Variants in FKBP15 observed in about 807,000 individuals in gnomAD.
The protein encoded by FKBP15 is FK506-binding protein 15.
FKBP15 carries 106 observed loss-of-function variants against 158.1 expected under a neutral mutation model. The ratio of observed to expected loss-of-function variants is 0.67; its 90% CI spans 0.57 to 0.79. The LOEUF is 0.79. Ranked by LOEUF, FKBP15 falls within the 30% of genes least tolerant of loss-of-function variation. FKBP15 has a pLI of 0.00. For synonymous variants in FKBP15, 547 were observed against 548.6 expected, an observed-to-expected ratio of 1.00 and a Z score of 0.04; for missense variants, 1,287 against 1,479.1, an observed-to-expected ratio of 0.87 and a Z score of 2.13.
At chr9:113,187,208 C>T (rs1424762147) in intron 14 of FKBP15, 1 of 153,974 alleles carries the variant, frequency 6.5e-6, no homozygotes, top group East Asian at 1.9e-4. Context: ...CATTCCCACA[C>T]CTCCATTAAG....
chr9:113,188,389 C>G lies in FKBP15; in HGVS notation c.1276G>C (p.Ala426Pro), dbSNP rs1285580998. The change falls in exon 13 of 28, where the codon GCA (alanine) becomes CCA (proline). Residue 426 changes from alanine (A) to proline (P), a missense_variant and splice_region_variant. Physicochemically the swap from Ala to Pro is conservative, Grantham distance 27. Coordinates refer to ENST00000238256, the MANE Select transcript of FKBP15 (RefSeq NM_015258.2). The stretch of plus-strand genomic sequence containing the variant: ...ACAGAGCCTCAGAGAGGTTCCTTAC[C>G]CTGTGAGGTCATCTGTGGTAACGCT... ...HPALPQMTSQ[A>P]PQPSVTGLQA... 6.2e-7 allele frequency: 1 copy of G among 1,611,664 alleles called. No homozygotes were observed. The highest frequency in any genetic ancestry group is 1.3e-5 in the African/African-American group (1 of 74,880).
At chr9:113,181,287 T>A (rs1362550676) in intron 19 of FKBP15, among the ~76,000 whole-genome samples, 1 of 152,172 alleles carries the variant, frequency 6.6e-6, no homozygotes, top group Non-Finnish European at 1.5e-5. Flanking sequence ...AACATTTGGG[T>A]AGATTATTGA....
chr9:113,204,441 T>C (rs1830851383), intron 4 of FKBP15, among the ~76,000 whole-genome samples: 1 of 152,266 alleles, frequency 6.6e-6, no homozygotes, highest in Admixed American at 6.5e-5. Flanking sequence ...TTCCTTGTAG[T>C]GCAAATCTAC....
At chr9:113,189,290 G>A (rs1228619310) in intron 12 of FKBP15, among the ~76,000 whole-genome samples, 1 of 151,986 alleles carries the variant, frequency 6.6e-6, no homozygotes, top group African/African-American at 2.4e-5. Context: ...AGAGTGAAAG[G>A]AATTATAATA....
At chr9:113,172,357 T>C (rs933323846) in intron 23 of FKBP15, among the ~76,000 whole-genome samples, 18 of 152,204 alleles carry the variant, frequency 1.2e-4, no homozygotes, top group Non-Finnish European at 2.5e-4. Flanking sequence ...CCTTTAGGTA[T>C]ATAACCAGTA....
At chr9:113,188,322 G>A (rs1587960837) in intron 13 of FKBP15, 67 bp downstream of exon 13, 8 of 1,202,784 alleles carry the variant, frequency 6.7e-6, no homozygotes, top group Middle Eastern at 2.0e-4. Context: ...AACAGTTTAA[G>A]GAACAGTGAC....
chr9:113,171,651 A>T lies in FKBP15; in HGVS notation c.2588T>A (p.Ile863Asn), dbSNP rs754011108. Residue 863 changes from isoleucine to asparagine, a missense_variant, in exon 24 of 28, where the codon ATC (isoleucine) becomes AAC (asparagine). Transcript: ENST00000238256. ...TALTKQNEQH[I>N]KELEKNKSQM... is the part of the protein sequence containing the mutation. ...GGACTTGTTCTTCTCTAGTTCCTTG[A>T]TGTGCTGTTCATTTTGCTTGGTGAG... 5 of 1,603,924 alleles carry T rather than the reference A, an allele frequency of 3.1e-6. No homozygotes were observed. The Admixed American group carries it at 8.6e-5, about 27-fold the overall frequency.
At chr9:113,206,960 T>C (rs534618892) in intron 3 of FKBP15, 5 of 465,710 alleles carry the variant, frequency 1.1e-5, no homozygotes, top group South Asian at 6.5e-5. Flanking sequence ...GCTATCTCAG[T>C]GGAGAGGCTT....
At position 113,202,596 on chromosome 9, in the gene FKBP15, C is replaced by A; in HGVS notation, c.433G>T (p.Asp145Tyr). 1 of 1,579,226 alleles carries A rather than the reference C, an allele frequency of 6.3e-7. No individual in the cohort carries two copies. The highest frequency in any genetic ancestry group is 1.2e-5 in the South Asian group (1 of 86,018). Residue 145 changes from aspartate (D) to tyrosine (Y), a missense_variant, in exon 6 of 28, where the codon GAC (aspartate) becomes TAC (tyrosine). Asp to Tyr is a radical substitution (Grantham distance 160, BLOSUM62 -3). Transcript: ENST00000238256. ...ATGATGGACCAGTTCTGTCTCTGGT[C>A]ATCATAAAAGGTGCTATAGTTATTG... is the stretch of plus-strand genomic sequence containing the variant. ...RPNNYSTFYD[D>Y]QRQNWSIMFE...
rs1216924256 is a variant in FKBP15, at chr9:113,202,640, G to C, written c.400-11C>G. On this transcript the variant is annotated splice_polypyrimidine_tract_variant and intron_variant, in intron 5 of 27. Transcript: ENST00000238256. ...GTTATTGGGCCGAACCTGGAGAAAGGAGAAATGTTAAATTCATCCACAAGC... is the reference window on the plus strand; with the variant it reads ...GTTATTGGGCCGAACCTGGAGAAAGCAGAAATGTTAAATTCATCCACAAGC... The C allele has an allele frequency of 6.5e-7, 1 of 1,546,254 alleles. No homozygotes were observed. The highest frequency in any genetic ancestry group is 8.8e-7 in the Non-Finnish European group (1 of 1,139,558).
intron 6 of FKBP15, among the ~76,000 whole-genome samples, chr9:113,201,131 CA>C (rs962750201): frequency 2.1e-5 from 3 of 142,424 alleles, no homozygotes; most frequent in African/African-American, 7.8e-5. Context: ...TGAAGAAGAC[CA>C]AAAGAAAAAA....
chr9:113,202,496 T>A, intron 6 of FKBP15, 35 bp downstream of exon 6: 2 of 1,435,962 alleles, frequency 1.4e-6, no homozygotes, highest in Non-Finnish European at 1.9e-6. Flanking sequence ...AAACAAGTAT[T>A]TTGGCTTTTC....
chr9:113,173,937 G>A (rs1435905846), intron 22 of FKBP15, among the ~76,000 whole-genome samples: 1 of 152,106 alleles, frequency 6.6e-6, no homozygotes, highest in East Asian at 1.9e-4. Context: ...ATTCCCAGAG[G>A]TGGTCAAATT....
At position 113,217,522 on chromosome 9, in the gene FKBP15, A is replaced by G. The variant is rs184765439; in HGVS notation, c.53+3669T>C. On this transcript the variant is annotated intron_variant, in intron 1 of 27. Coordinates refer to ENST00000238256, the MANE Select transcript of FKBP15 (RefSeq NM_015258.2). ...ACCACGCACAGTCCCATTTTCTATT[A>G]ATATCTTTAATGGACTCTGCATCAA... 3.3e-5 allele frequency among the ~76,000 whole-genome samples: 5 copies of G among 152,184 alleles called. No individual in the cohort carries two copies. In the East Asian group the frequency reaches 9.6e-4, roughly 29 times the overall value.
chr9:113,205,644 G>A (rs539204215), intron 4 of FKBP15, among the ~76,000 whole-genome samples: 3 of 152,262 alleles, frequency 2.0e-5, no homozygotes, highest in Non-Finnish European at 2.9e-5. Flanking sequence ...ATTACCATAC[G>A]AGTCAGCAAT....
Position 113,162,752 on chromosome 9 carries a change from G to A in FKBP15, c.*3326C>T, listed in dbSNP as rs1564140148. 1 of 1,611,026 alleles carries A rather than the reference G, an allele frequency of 6.2e-7. No individual in the cohort carries two copies. Among genetic ancestry groups the A allele is most frequent in the Non-Finnish European group, 8.5e-7 (1 of 1,178,442 alleles). ...CTTGCTTCTCCTTTTTATCTAGGTG[G>A]TATTTGTGTCACTTTGGCCAGTCTC... On this transcript the variant is annotated 3_prime_UTR_variant, in exon 28 of 28. Transcript: ENST00000238256.
At position 113,165,211 on chromosome 9, in the gene FKBP15, A is replaced by G. The variant is rs2118847966; in HGVS notation, c.*867T>C. 1 of 152,274 alleles carries G rather than the reference A, an allele frequency of 6.6e-6. No homozygotes were observed. The highest frequency in any genetic ancestry group is 1.9e-4 in the East Asian group (1 of 5,182). 9.4% of individuals were successfully genotyped at this position (152,274 alleles called of 1,614,324 possible). A position where few individuals can be genotyped will look rare whatever the true frequency, so the allele number is the denominator to read the frequency against. On this transcript the variant is annotated 3_prime_UTR_variant, in exon 28 of 28. Coordinates refer to ENST00000238256, the MANE Select transcript of FKBP15 (RefSeq NM_015258.2). The stretch of plus-strand genomic sequence containing the variant: ...AAGAATCCCTCAGGTGCCATGAACA[A>G]TGGAAAGAAGGGACCCTCTCACCTT...
chr9:113,210,115 G>GA (rs1315488764), intron 2 of FKBP15, among the ~76,000 whole-genome samples: 1 of 152,158 alleles, frequency 6.6e-6, no homozygotes, highest in Non-Finnish European at 1.5e-5. Context: ...ATATGGGGCA[G>GA]AAGGCCTTGC....
Position 113,162,790 on chromosome 9 carries a change from T to C in FKBP15, c.*3288A>G, listed in dbSNP as rs1210318577. The C allele has an allele frequency of 6.2e-7, 1 of 1,613,926 alleles. No homozygotes were observed. The highest frequency in any genetic ancestry group is 8.5e-7 in the Non-Finnish European group (1 of 1,179,866). On this transcript the variant is annotated 3_prime_UTR_variant, in exon 28 of 28. Coordinates refer to ENST00000238256, the MANE Select transcript of FKBP15 (RefSeq NM_015258.2). Reference sequence around the variant, plus strand: ...TTTGGCCAGTCTCTAATCCATGTCATCCAGGTGGTCATCGGCTACTTCATC... The same window carrying C: ...TTTGGCCAGTCTCTAATCCATGTCACCCAGGTGGTCATCGGCTACTTCATC...
Sources: gnomAD v4.1 joint callset for allele counts (sites outside exome capture counted in the v4.1 genomes callset) on GRCh38, gnomAD v4.1.1 for gene constraint, MANE v1.5 for transcripts, NCBI Gene and HGNC (gene_info 2026-07-23, HGNC 2026-07-21) for gene names.